The following IL1RAPL1 variants were observed in gnomAD, a reference collection of about 807,000 sequenced individuals.
IL1RAPL1 encodes the protein interleukin-1 receptor accessory protein-like 1.
A neutral mutation model predicts 48.4 loss-of-function variants in IL1RAPL1; 3 were observed. The ratio of observed to expected loss-of-function variants is 0.06; its 90% CI spans 0.03 to 0.16. The LOEUF is 0.16. Among genes scored for constraint, IL1RAPL1 ranks in the 10% least tolerant of loss-of-function variants. The pLI is 1.00. For missense variants in IL1RAPL1, 349 were observed against 530.6 expected (o/e 0.66, Z 3.36); for synonymous variants, 185 against 187.7 (o/e 0.99, Z 0.12).
chrX:29,812,417 A>G (rs920632595), intron 6 of IL1RAPL1, among the ~76,000 whole-genome samples: 6 of 111,692 alleles, frequency 5.4e-5, no homozygotes, highest in Non-Finnish European at 9.4e-5. Flanking sequence ...TTTTCCTTTT[A>G]TCTTTCAACG....
intron 8 of IL1RAPL1, among the ~76,000 whole-genome samples, chrX:29,922,658 G>A (rs971521644): frequency 5.4e-5 from 6 of 112,023 alleles, no homozygotes; most frequent in African/African-American, 1.9e-4. Flanking sequence ...TACCAGCCCT[G>A]CAAGGTTCAG....
chrX:29,646,460 T>A (rs1925329160), intron 5 of IL1RAPL1, among the ~76,000 whole-genome samples: 1 of 110,630 alleles, frequency 9.0e-6, no homozygotes, highest in Non-Finnish European at 1.9e-5. Context: ...GGGGATAGTA[T>A]CAAAAAGAAA....
chrX:29,246,917 A>G (rs115103005), intron 2 of IL1RAPL1, among the ~76,000 whole-genome samples: 8,054 of 111,284 alleles, frequency 0.072, 675 homozygotes, highest in African/African-American at 0.24. Context: ...TTGCTCAGCA[A>G]GCAGTAGACA....
chrX:29,113,893 A>G (rs1928623111), intron 2 of IL1RAPL1, among the ~76,000 whole-genome samples: 1 of 111,636 alleles, frequency 9.0e-6, no homozygotes, highest in South Asian at 3.7e-4. Context: ...AAAAGCAGTG[A>G]TAGGCATCTT....
chrX:28,866,423 C>T (rs994157764), intron 2 of IL1RAPL1, among the ~76,000 whole-genome samples: 4 of 111,359 alleles, frequency 3.6e-5, no homozygotes, highest in African/African-American at 1.3e-4. Context: ...AAATTGGGTT[C>T]AGTGTATACT....
At chrX:29,231,272 C>T (rs1173298558) in intron 2 of IL1RAPL1, among the ~76,000 whole-genome samples, 1 of 111,277 alleles carries the variant, frequency 9.0e-6, no homozygotes, top group Non-Finnish European at 1.9e-5. Context: ...AAATGAGAAA[C>T]ATCATCTCTG....
At chrX:29,036,758 A>G (rs945304915) in intron 2 of IL1RAPL1, among the ~76,000 whole-genome samples, 1 of 111,277 alleles carries the variant, frequency 9.0e-6, no homozygotes, top group African/African-American at 3.3e-5. Flanking sequence ...TTATTTTGAG[A>G]AATAATAGAA....
At chrX:29,323,202 A>T (rs1330442462) in intron 3 of IL1RAPL1, among the ~76,000 whole-genome samples, 1 of 110,098 alleles carries the variant, frequency 9.1e-6, no homozygotes, top group Non-Finnish European at 1.9e-5. Flanking sequence ...CTGCCATTTT[A>T]TTTTTCTTCT....
intron 2 of IL1RAPL1, among the ~76,000 whole-genome samples, chrX:28,989,492 T>C (rs1925550486): frequency 8.9e-6 from 1 of 112,286 alleles, no homozygotes; most frequent in Non-Finnish European, 1.9e-5. Flanking sequence ...CCAGATCAAG[T>C]GTTAATTTTT....
intron 5 of IL1RAPL1, among the ~76,000 whole-genome samples, chrX:29,534,830 G>T (rs1309468773): frequency 9.1e-6 from 1 of 109,943 alleles, no homozygotes; most frequent in African/African-American, 3.3e-5. Flanking sequence ...TTAGCCGGGC[G>T]TGGTGGCGGG....
At chrX:29,166,013 A>C (rs1218983798) in intron 2 of IL1RAPL1, among the ~76,000 whole-genome samples, 1 of 112,950 alleles carries the variant, frequency 8.9e-6, no homozygotes, top group Non-Finnish European at 1.9e-5. Context: ...ACTTTAGCTC[A>C]AAATATTATC....
rs931956898 is a variant in IL1RAPL1 at position 29,182,940 on chromosome X, G to A, written c.83-99998G>A. ...ATAGAAGCAGAATTTGAAGTGATGCGGGACCATGAGACAAGGAATATAGGC... is the reference window on the plus strand; with the variant it reads ...ATAGAAGCAGAATTTGAAGTGATGCAGGACCATGAGACAAGGAATATAGGC... On this transcript the variant is annotated intron_variant, in intron 2 of 10. Coordinates refer to ENST00000378993, the MANE Select transcript of IL1RAPL1 (RefSeq NM_014271.4). Among the ~76,000 whole-genome samples the A allele has an allele frequency of 4.5e-5, 5 of 111,104 alleles. No individual in the cohort carries two copies. The East Asian group carries it at 8.5e-4, about 19-fold the overall frequency.
chrX:29,865,690 G>A (rs1174553349), intron 6 of IL1RAPL1, among the ~76,000 whole-genome samples: 3 of 92,372 alleles, frequency 3.2e-5, no homozygotes, highest in African/African-American at 1.2e-4. Flanking sequence ...AGGCTGGAGT[G>A]CAGTAGTGCG....
At chrX:29,468,816 C>T (rs1173477150) in intron 5 of IL1RAPL1, among the ~76,000 whole-genome samples, 1 of 111,813 alleles carries the variant, frequency 8.9e-6, no homozygotes, top group African/African-American at 3.3e-5. Context: ...AAATTTTTCT[C>T]TCTTATAATT....
At chrX:29,736,361 A>G (rs1258880102) in intron 6 of IL1RAPL1, among the ~76,000 whole-genome samples, 4 of 111,577 alleles carry the variant, frequency 3.6e-5, no homozygotes, top group African/African-American at 9.8e-5. Flanking sequence ...CCCTGTCTCA[A>G]AAAAATACAG....
intron 3 of IL1RAPL1, among the ~76,000 whole-genome samples, chrX:29,366,455 G>C (rs915864470): frequency 9.1e-6 from 1 of 109,487 alleles, no homozygotes; most frequent in African/African-American, 3.3e-5. Context: ...CCATCCACAG[G>C]GATGATTCAA....
chrX:29,024,489 C>T (rs1480155534), intron 2 of IL1RAPL1, among the ~76,000 whole-genome samples: 2 of 111,739 alleles, frequency 1.8e-5, no homozygotes, highest in Admixed American at 9.5e-5. Flanking sequence ...AGTTACTTAA[C>T]CACTCTGTGC....
chrX:29,628,619 A>G (rs778632948), intron 5 of IL1RAPL1, among the ~76,000 whole-genome samples: 4 of 111,975 alleles, frequency 3.6e-5, no homozygotes, highest in East Asian at 5.6e-4. Context: ...CCCAGGCAGA[A>G]TTATTAATAT....
At chrX:29,763,990 G>GA (rs5901932) in intron 6 of IL1RAPL1, among the ~76,000 whole-genome samples, 45,525 of 109,199 alleles carry the variant, frequency 0.42, 7,151 homozygotes, top group African/African-American at 0.51. Context: ...TGAGAAAAAG[G>GA]AAAAAAATTC....
Sources: gnomAD v4.1 joint callset for allele counts (sites outside exome capture counted in the v4.1 genomes callset) on GRCh38, gnomAD v4.1.1 for gene constraint, MANE v1.5 for transcripts, NCBI Gene and HGNC (gene_info 2026-07-23, HGNC 2026-07-21) for gene names.